Variants in CEP112 observed in about 807,000 individuals in gnomAD.
The protein encoded by CEP112 is centrosomal protein 112, also known as centrosomal protein of 112 kDa.
CEP112 carries 127 observed loss-of-function variants against 153.0 expected under a neutral mutation model. That is an observed-to-expected ratio of 0.83 (90% confidence interval 0.72 to 0.96). The LOEUF (loss-of-function observed/expected upper bound fraction) is 0.96. Among genes scored for constraint, CEP112 ranks in the 40% least tolerant of loss-of-function variants. The probability of loss-of-function intolerance (pLI) is 0.00; values close to 1 mark genes in which losing one functional copy is unlikely to be tolerated. For synonymous variants in CEP112, 358 were observed against 374.4 expected, an observed-to-expected ratio of 0.96 and a Z score of 0.51; for missense variants, 1,089 against 1,101.2, an observed-to-expected ratio of 0.99 and a Z score of 0.16.
intron 21 of CEP112, chr17:65,826,052 A>C (rs2146066320): frequency 7.5e-7 from 1 of 1,336,456 alleles, no homozygotes; most frequent in South Asian, 1.2e-5. Flanking sequence ...GAGATGAATT[A>C]CCAATGCCTA....
intron 24 of CEP112, among the ~76,000 whole-genome samples, chr17:65,677,570 T>C (rs1364509493): frequency 6.6e-6 from 1 of 152,232 alleles, no homozygotes; most frequent in Non-Finnish European, 1.5e-5. Flanking sequence ...AAATCAACTT[T>C]CTTTCCTTGT....
chr17:65,726,032 GA>G (rs1273174782), intron 23 of CEP112, among the ~76,000 whole-genome samples: 1 of 152,090 alleles, frequency 6.6e-6, no homozygotes, highest in East Asian at 1.9e-4. Flanking sequence ...GTGTTATGAA[GA>G]AACGAAAAGT....
intron 19 of CEP112, among the ~76,000 whole-genome samples, chr17:65,924,004 T>G (rs1199351808): frequency 6.6e-6 from 1 of 152,056 alleles, no homozygotes; most frequent in Admixed American, 6.6e-5. Context: ...TGAGACAGAG[T>G]CTCGCTCTGT....
At chr17:65,712,040 A>T (rs1423939430) in intron 23 of CEP112, among the ~76,000 whole-genome samples, 1 of 152,182 alleles carries the variant, frequency 6.6e-6, no homozygotes, top group Admixed American at 6.5e-5. Context: ...AATTTGCATC[A>T]CAGAGTCCAT....
chr17:65,959,365 T>C (rs2062114749), intron 18 of CEP112, among the ~76,000 whole-genome samples: 1 of 152,208 alleles, frequency 6.6e-6, no homozygotes, highest in Non-Finnish European at 1.5e-5. Flanking sequence ...GTTCTATTGC[T>C]CAATGAAGCT....
chr17:66,081,786 G>A (rs913621886), intron 8 of CEP112, among the ~76,000 whole-genome samples: 34 of 152,096 alleles, frequency 2.2e-4, no homozygotes, highest in African/African-American at 7.0e-4. Flanking sequence ...ATGGTGGCAC[G>A]CATCTGTAGT....
chr17:65,637,593 C>A (rs541385575), intron 25 of CEP112, among the ~76,000 whole-genome samples: 2 of 152,348 alleles, frequency 1.3e-5, no homozygotes, highest in South Asian at 4.1e-4. Context: ...TAAATGTCAC[C>A]TCTCCTGTGG....
intron 11 of CEP112, 103 bp from the exon 12 acceptor site, chr17:66,053,982 G>A: frequency 2.5e-6 from 2 of 796,976 alleles, no homozygotes; most frequent in Non-Finnish European, 3.8e-6. Flanking sequence ...TTATATATAT[G>A]ATGACCTGAA....
intron 24 of CEP112, among the ~76,000 whole-genome samples, chr17:65,668,254 A>G (rs544985597): frequency 1.3e-5 from 2 of 152,288 alleles, no homozygotes; most frequent in Non-Finnish European, 2.9e-5. Context: ...AGTTGGTGAC[A>G]GGGCCAATGT....
chr17:65,732,652 T>G (rs554927728), intron 23 of CEP112, among the ~76,000 whole-genome samples: 1 of 152,370 alleles, frequency 6.6e-6, no homozygotes, highest in East Asian at 1.9e-4. Context: ...TCTGGGTATC[T>G]TGCTGTAGCT....
At chr17:66,174,647 T>G (rs778131091) in intron 4 of CEP112, among the ~76,000 whole-genome samples, 1 of 127,540 alleles carries the variant, frequency 7.8e-6, no homozygotes, top group South Asian at 2.2e-4. Flanking sequence ...AAAAAACCTA[T>G]TTAAGTTTAA....
chr17:65,794,396 G>A lies in CEP112; in HGVS notation c.2395-43672C>T, dbSNP rs139403652. On this transcript the variant is annotated intron_variant, in intron 21 of 26. Coordinates refer to ENST00000535342, the MANE Select transcript of CEP112 (RefSeq NM_001199165.4). ...GAAGACAGAATAAGCTACTTCTCAA[G>A]CTGCTTTCTCCTTCTTTCCTTTCCT... Among the ~76,000 whole-genome samples, 576 of 152,172 alleles carry A rather than the reference G, an allele frequency of 3.8e-3. 1 individual carries two copies. Among genetic ancestry groups the A allele is most frequent in the Middle Eastern group, 0.017 (5 of 294 alleles).
chr17:65,675,578 T>A (rs1387488028), intron 24 of CEP112, among the ~76,000 whole-genome samples: 3 of 152,062 alleles, frequency 2.0e-5, no homozygotes, highest in Non-Finnish European at 4.4e-5. Context: ...ACAGAATAAT[T>A]TGTTTTATGA....
At chr17:66,067,614 T>C (rs2067171363) in intron 9 of CEP112, among the ~76,000 whole-genome samples, 1 of 152,188 alleles carries the variant, frequency 6.6e-6, no homozygotes, top group Admixed American at 6.5e-5. Context: ...GCTAATCTCA[T>C]AAATGGTTTC....
chr17:66,132,629 A>G lies in CEP112; in HGVS notation c.564+41T>C, dbSNP rs950167807. The G allele has an allele frequency of 2.8e-6, 4 of 1,404,922 alleles. No homozygotes were observed. The East Asian group carries it at 6.8e-5, about 24-fold the overall frequency. The allele number at this position is 1,404,922 out of a possible 1,614,324, so 87.0% of individuals were successfully genotyped here. A position where few individuals can be genotyped will look rare whatever the true frequency, so the allele number is the denominator to read the frequency against. On this transcript the variant is annotated intron_variant, in intron 5 of 26. Coordinates refer to ENST00000535342, the MANE Select transcript of CEP112 (RefSeq NM_001199165.4). ...TAAAACTTTGTTCAGCTATTTTAAA[A>G]CAACAAGCAAAAACCAAACAAAAGT...
At chr17:65,987,637 AAAAC>A (rs1309870492) in intron 17 of CEP112, among the ~76,000 whole-genome samples, 6 of 152,310 alleles carry the variant, frequency 3.9e-5, no homozygotes, top group East Asian at 1.9e-4. Flanking sequence ...CAGAAAACCA[AAAAC>A]AAACAGACAG....
intron 17 of CEP112, among the ~76,000 whole-genome samples, chr17:65,969,248 GT>G (rs998752527): frequency 1.3e-5 from 2 of 151,598 alleles, no homozygotes; most frequent in Non-Finnish European, 2.9e-5. Flanking sequence ...CGCCTGACTA[GT>G]TTTTTTTGTA....
intron 24 of CEP112, among the ~76,000 whole-genome samples, chr17:65,673,324 G>A (rs1567844202): frequency 6.6e-6 from 1 of 151,970 alleles, no homozygotes; most frequent in East Asian, 1.9e-4. Context: ...AATCTCTCTA[G>A]CCCCCCCGCC....
intron 12 of CEP112, among the ~76,000 whole-genome samples, chr17:66,046,520 A>C (rs2066217540): frequency 6.6e-6 from 1 of 152,216 alleles, no homozygotes; most frequent in Admixed American, 6.5e-5. Context: ...CCAATGGTTT[A>C]ATTTTTAATA....
Sources: gnomAD v4.1 joint callset for allele counts (sites outside exome capture counted in the v4.1 genomes callset) on GRCh38, gnomAD v4.1.1 for gene constraint, MANE v1.5 for transcripts, NCBI Gene and HGNC (gene_info 2026-07-23, HGNC 2026-07-21) for gene names.